Variants in FANCA observed in about 807,000 individuals in gnomAD.
FANCA encodes the protein Fanconi anemia group A protein.
FANCA carries 236 observed loss-of-function variants against 194.3 expected under a neutral mutation model. The observed-to-expected ratio is 1.21, with a 90% CI of 1.09 to 1.35. The LOEUF (loss-of-function observed/expected upper bound fraction) is 1.35, where lower values mean the gene tolerates loss of function less well. Among genes scored for constraint, FANCA ranks in the 40% most tolerant of loss-of-function variants. The pLI, the probability that FANCA is intolerant of heterozygous loss-of-function variation, is 0.00. For missense variants in FANCA, 2,628 were observed against 1,813.9 expected (o/e 1.45, Z -8.15); for synonymous variants, 1,014 against 715.8 (o/e 1.42, Z -6.65).
At chr16:89,775,609 G>C in intron 21 of FANCA, 133 bp downstream of exon 21, 1 of 727,186 alleles carries the variant, frequency 1.4e-6, no homozygotes. Flanking sequence ...GGCGGACCCT[G>C]TACCCAAAGC....
At chr16:89,771,344 A>G (rs1484863170) in intron 23 of FANCA, among the ~76,000 whole-genome samples, 1 of 152,128 alleles carries the variant, frequency 6.6e-6, no homozygotes, top group East Asian at 1.9e-4. Flanking sequence ...CTGTAGTCCC[A>G]GCTACTCGGG....
chr16:89,800,014 G>A (rs1196326033), intron 8 of FANCA, among the ~76,000 whole-genome samples: 1 of 152,126 alleles, frequency 6.6e-6, no homozygotes, highest in South Asian at 2.1e-4. Context: ...AAAAGAAATG[G>A]ACTTTACAAA....
At chr16:89,743,635 C>G (rs1390759259) in intron 36 of FANCA, among the ~76,000 whole-genome samples, 1 of 151,752 alleles carries the variant, frequency 6.6e-6, no homozygotes, top group Non-Finnish European at 1.5e-5. Flanking sequence ...ACCAGCCTGA[C>G]CAACGTGGAG....
intron 26 of FANCA, 192 bp downstream of exon 26, chr16:89,769,645 C>T (rs184870225): frequency 3.0e-6 from 2 of 662,376 alleles, no homozygotes; most frequent in African/African-American, 3.6e-5. Flanking sequence ...TTTTTATGAA[C>T]AAAGAAACAA....
chr16:89,800,936 G>C (rs933876793), intron 8 of FANCA, among the ~76,000 whole-genome samples: 6 of 151,708 alleles, frequency 4.0e-5, no homozygotes, highest in African/African-American at 7.3e-5. Flanking sequence ...GGGAGACTGA[G>C]GCAGGAGAAT....
chr16:89,752,815 G>T (rs575704832), intron 30 of FANCA, among the ~76,000 whole-genome samples: 1 of 152,332 alleles, frequency 6.6e-6, no homozygotes, highest in South Asian at 2.1e-4. Context: ...TCACCAAGCG[G>T]ATCGTGGTCC....
chr16:89,772,834 A>G (rs1448358874), intron 22 of FANCA, among the ~76,000 whole-genome samples: 3 of 152,052 alleles, frequency 2.0e-5, no homozygotes, highest in Non-Finnish European at 2.9e-5. Context: ...AAAAAAAGAA[A>G]AAAGAAACTG....
chr16:89,806,193 G>C (rs1289235621), intron 6 of FANCA, among the ~76,000 whole-genome samples: 1 of 152,132 alleles, frequency 6.6e-6, no homozygotes, highest in African/African-American at 2.4e-5. Context: ...GATTACAGGT[G>C]TGAGCCACCG....
intron 17 of FANCA, among the ~76,000 whole-genome samples, chr16:89,782,133 T>C (rs1339210100): frequency 1.3e-5 from 2 of 151,866 alleles, no homozygotes; most frequent in Non-Finnish European, 2.9e-5. Flanking sequence ...CCCAGCACTT[T>C]GGGAGGCCAA....
intron 6 of FANCA, 35 bp from the exon 7 acceptor site, chr16:89,805,427 A>T (rs368096358): frequency 8.5e-6 from 13 of 1,531,606 alleles, no homozygotes; most frequent in Non-Finnish European, 1.2e-5. Flanking sequence ...GTAAGGCTCA[A>T]CTAAATCCCA....
intron 18 of FANCA, among the ~76,000 whole-genome samples, chr16:89,779,432 C>T (rs747377193): frequency 3.3e-5 from 5 of 152,064 alleles, no homozygotes; most frequent in African/African-American, 7.2e-5. Context: ...TTACTGACTC[C>T]ATATTGGTCA....
At chr16:89,766,519 G>A (rs17233162) in intron 27 of FANCA, among the ~76,000 whole-genome samples, 2,773 of 151,774 alleles carry the variant, frequency 0.018, 80 homozygotes, top group African/African-American at 0.062. Context: ...AAAACAGCCT[G>A]GCCAACATGG....
At chr16:89,741,032 T>C (rs2062120365) in intron 37 of FANCA, 166 bp from the exon 38 acceptor site, 2 of 668,708 alleles carry the variant, frequency 3.0e-6, no homozygotes, top group Admixed American at 2.5e-5. Flanking sequence ...GACAGCTTAA[T>C]TGAGAATTAA....
intron 3 of FANCA, among the ~76,000 whole-genome samples, chr16:89,813,831 TG>T (rs1567656883): frequency 6.6e-6 from 1 of 152,006 alleles, no homozygotes; most frequent in African/African-American, 2.4e-5. Flanking sequence ...TGTGTGTGTG[TG>T]TCCGTGTGCA....
At chr16:89,745,563 C>G (rs5000709) in intron 35 of FANCA, among the ~76,000 whole-genome samples, 1 of 83,204 alleles carries the variant, frequency 1.2e-5, no homozygotes, top group Non-Finnish European at 2.1e-5. Context: ...GGACCACACT[C>G]CTCTGAGCTG....
chr16:89,799,854 G>A (rs1222680008), intron 8 of FANCA, among the ~76,000 whole-genome samples: 6 of 152,206 alleles, frequency 3.9e-5, no homozygotes, highest in African/African-American at 1.2e-4. Context: ...TTAGCCGGGC[G>A]CAGTGGCGGA....
intron 27 of FANCA, among the ~76,000 whole-genome samples, chr16:89,766,002 T>A (rs916654448): frequency 1.3e-4 from 19 of 150,838 alleles, no homozygotes; most frequent in East Asian, 5.8e-4. Context: ...TTTATTTATT[T>A]TTTTTTTTTT....
At chr16:89,790,626 G>C (rs1473454651) in intron 14 of FANCA, among the ~76,000 whole-genome samples, 1 of 152,004 alleles carries the variant, frequency 6.6e-6, no homozygotes, top group Non-Finnish European at 1.5e-5. Flanking sequence ...CTACTCAGGA[G>C]GCTGAGGCAG....
intron 11 of FANCA, among the ~76,000 whole-genome samples, chr16:89,795,267 G>C (rs546607575): frequency 1.3e-5 from 2 of 148,210 alleles, no homozygotes; most frequent in African/African-American, 2.5e-5. Context: ...CCTGGCAACA[G>C]AGCAAGACTC....
Sources: allele counts gnomAD v4.1 joint callset (sites outside exome capture counted in the v4.1 genomes callset), GRCh38; gene constraint gnomAD v4.1.1; transcripts MANE v1.5; gene names NCBI Gene and HGNC (gene_info 2026-07-23, HGNC 2026-07-21).